The following NTM variants were observed in gnomAD, a reference collection of about 807,000 sequenced individuals.
The protein encoded by NTM is IgLON family member 2.
In NTM, 13 loss-of-function variants were observed where a neutral mutation model predicts 42.1. That is an observed-to-expected ratio of 0.31 (90% CI 0.20 to 0.49). The LOEUF (loss-of-function observed/expected upper bound fraction) is 0.49. Among genes scored for constraint, NTM ranks in the 20% least tolerant of loss-of-function variants. NTM has a pLI of 0.99. For missense variants in NTM, 373 were observed against 452.8 expected (o/e 0.82, Z 1.60); for synonymous variants, 187 against 179.2 (o/e 1.04, Z -0.35).
chr11:132,007,005 G>A (rs747866759), intron 2 of NTM, among the ~76,000 whole-genome samples: 6 of 152,140 alleles, frequency 3.9e-5, no homozygotes, highest in Non-Finnish European at 7.3e-5. Context: ...AGACCCTCCT[G>A]GGCACTCTCT....
intron 1 of NTM, among the ~76,000 whole-genome samples, chr11:131,561,140 C>T (rs1315725576): frequency 2.0e-5 from 3 of 152,278 alleles, no homozygotes; most frequent in South Asian, 2.1e-4. Context: ...TGGGTTATTT[C>T]GGTGGCAGCA....
At chr11:132,031,188 A>G (rs1053686809) in intron 2 of NTM, among the ~76,000 whole-genome samples, 1 of 152,226 alleles carries the variant, frequency 6.6e-6, no homozygotes, top group African/African-American at 2.4e-5. Flanking sequence ...CAGTTATTCA[A>G]TCTACCACAC....
chr11:131,454,000 C>T (rs1950679740), intron 1 of NTM, among the ~76,000 whole-genome samples: 1 of 152,210 alleles, frequency 6.6e-6, no homozygotes, highest in African/African-American at 2.4e-5. Context: ...TCAAACATCG[C>T]TCCCAGTCTC....
At chr11:131,716,981 C>T (rs963569681) in intron 1 of NTM, among the ~76,000 whole-genome samples, 5 of 152,110 alleles carry the variant, frequency 3.3e-5, no homozygotes, top group Non-Finnish European at 7.4e-5. Flanking sequence ...GTTGGGACTA[C>T]AGGCACATAC....
intron 1 of NTM, among the ~76,000 whole-genome samples, chr11:131,539,887 A>T (rs371784362): frequency 6.6e-6 from 1 of 152,136 alleles, no homozygotes; most frequent in South Asian, 2.1e-4. Flanking sequence ...CCTCATCTCC[A>T]TGGGAAAAAC....
chr11:131,613,650 C>T (rs751908164), intron 1 of NTM, among the ~76,000 whole-genome samples: 2 of 152,110 alleles, frequency 1.3e-5, no homozygotes, highest in African/African-American at 4.8e-5. Flanking sequence ...AAGAGCCAGG[C>T]GCGATGCTGA....
chr11:132,153,054 G>A (rs551817817), intron 3 of NTM, among the ~76,000 whole-genome samples: 1 of 152,292 alleles, frequency 6.6e-6, no homozygotes, highest in East Asian at 1.9e-4. Context: ...ACTTACAGAA[G>A]TCAGGCAACA....
intron 1 of NTM, among the ~76,000 whole-genome samples, chr11:131,836,778 A>G (rs1053959796): frequency 5.9e-5 from 9 of 152,220 alleles, no homozygotes; most frequent in African/African-American, 2.2e-4. Flanking sequence ...GATTTTACAG[A>G]AAAAAATCTA....
At chr11:131,988,538 T>G (rs2066463135) in intron 2 of NTM, among the ~76,000 whole-genome samples, 1 of 152,176 alleles carries the variant, frequency 6.6e-6, no homozygotes, top group African/African-American at 2.4e-5. Flanking sequence ...TGGTGGATAT[T>G]CCATGTGAAT....
chr11:132,024,076 C>T (rs1358122963), intron 2 of NTM, among the ~76,000 whole-genome samples: 2 of 151,926 alleles, frequency 1.3e-5, no homozygotes, highest in African/African-American at 2.4e-5. Context: ...CCTCGGGCTC[C>T]CCAAGTGCTG....
rs565566262 is a variant in NTM at position 131,861,988 on chromosome 11, C to T, written c.83-49576C>T. Among the ~76,000 whole-genome samples, 23 of 152,328 alleles carry T rather than the reference C, an allele frequency of 1.5e-4. 1 individual carries two copies. Among genetic ancestry groups the T allele is most frequent in the African/African-American group, 5.3e-4 (22 of 41,584 alleles). On this transcript the variant is annotated intron_variant, in intron 1 of 8. Coordinates refer to ENST00000683400, the MANE Select transcript of NTM (RefSeq NM_001352005.2). ...AACCCCAGGGGAGGCATCCAGCTCA[C>T]CTGACTCTTCGTTGGCTGCTCTTAG...
Position 131,434,324 on chromosome 11 carries a change from A to T in NTM, c.82+63436A>T, listed in dbSNP as rs180907679. Among the ~76,000 whole-genome samples, 533 of 152,326 alleles carry T rather than the reference A, an allele frequency of 3.5e-3. 5 individuals are homozygous for T. The highest frequency in any genetic ancestry group is 0.011 in the African/African-American group (469 of 41,588). ...ACCCAGTAATGGGATTGCTGGGTCA[A>T]ATGGTATTTCTAGTTCTAGATCCTT... is the stretch of plus-strand genomic sequence containing the variant. On this transcript the variant is annotated intron_variant, in intron 1 of 8. Coordinates refer to ENST00000683400, the MANE Select transcript of NTM (RefSeq NM_001352005.2).
intron 1 of NTM, among the ~76,000 whole-genome samples, chr11:131,413,926 G>A (rs77600119): frequency 0.034 from 5,208 of 152,210 alleles, 283 homozygotes; most frequent in African/African-American, 0.12. Flanking sequence ...CTCCTGTGGC[G>A]AAAGGCAGAG....
intron 4 of NTM, among the ~76,000 whole-genome samples, chr11:132,260,188 G>C (rs1208106637): frequency 1.3e-5 from 2 of 151,968 alleles, no homozygotes; most frequent in Non-Finnish European, 2.9e-5. Flanking sequence ...GCTGAAACAG[G>C]CAGTCTTTCT....
intron 2 of NTM, among the ~76,000 whole-genome samples, chr11:132,004,654 A>ACACAAC (rs746575374): frequency 2.2e-5 from 3 of 136,020 alleles, no homozygotes; most frequent in Admixed American, 7.2e-5. Flanking sequence ...ACACACACAC[A>ACACAAC]ACACACACAC....
chr11:131,751,575 G>A (rs1333074338), intron 1 of NTM, among the ~76,000 whole-genome samples: 1 of 145,312 alleles, frequency 6.9e-6, no homozygotes, highest in Non-Finnish European at 1.5e-5. Flanking sequence ...GGGCAAAAGA[G>A]CAAGACTCCG....
rs955207713 is a variant in NTM, at chr11:132,315,126, T to C, written c.934+423T>C. On this transcript the variant is annotated intron_variant, in intron 7 of 8. Coordinates refer to ENST00000683400, the MANE Select transcript of NTM (RefSeq NM_001352005.2). ...ATGGCTCCTAAGCTGACTGTGGGAA[T>C]CATAATTGGGTAAAATAGTCAAGAA... The C allele has an allele frequency of 1.1e-5, 11 of 968,236 alleles. No individual in the cohort carries two copies. In the East Asian group the frequency reaches 9.9e-4, roughly 87 times the overall value. 60.0% of individuals were successfully genotyped at this position (968,236 alleles called of 1,614,324 possible). A position where few individuals can be genotyped will look rare whatever the true frequency, so the allele number is the denominator to read the frequency against.
At position 131,498,199 on chromosome 11, in the gene NTM, G is replaced by A. The variant is rs114383371; in HGVS notation, c.82+127311G>A. Among the ~76,000 whole-genome samples, 566 of 152,226 alleles carry A rather than the reference G, an allele frequency of 3.7e-3. 6 individuals are homozygous for A. The highest frequency in any genetic ancestry group is 0.013 in the African/African-American group (551 of 41,518). On this transcript the variant is annotated intron_variant, in intron 1 of 8. Transcript: ENST00000683400. ...TTCCAACGGGAGGTTGGAAGTAAGGGCTCTGCAGTCAGACAGACCCAAGTT... is the reference window on the plus strand; with the variant it reads ...TTCCAACGGGAGGTTGGAAGTAAGGACTCTGCAGTCAGACAGACCCAAGTT...
At chr11:131,473,488 T>C (rs1014172132) in intron 1 of NTM, among the ~76,000 whole-genome samples, 5 of 152,180 alleles carry the variant, frequency 3.3e-5, no homozygotes, top group African/African-American at 1.2e-4. Flanking sequence ...CTCCTGGCAA[T>C]ACCACACGTA....
Sources: gnomAD v4.1 joint callset for allele counts (sites outside exome capture counted in the v4.1 genomes callset) on GRCh38, gnomAD v4.1.1 for gene constraint, MANE v1.5 for transcripts, NCBI Gene and HGNC (gene_info 2026-07-23, HGNC 2026-07-21) for gene names.